SVOPL: variants seen among roughly 807,000 people sequenced by gnomAD.
SVOPL encodes SVOP like.
In SVOPL, 60 loss-of-function variants were observed where a neutral mutation model predicts 61.0. The ratio of observed to expected loss-of-function variants is 0.98; its 90% CI spans 0.80 to 1.22. The LOEUF (loss-of-function observed/expected upper bound fraction) is 1.22, where lower values mean the gene tolerates loss of function less well. Ranked by LOEUF, SVOPL falls within the 50% of genes most tolerant of loss-of-function variation. The pLI is 0.00. For missense variants in SVOPL, 662 were observed against 643.9 expected (o/e 1.03, Z -0.30); for synonymous variants, 279 against 250.0 (o/e 1.12, Z -1.09).
chr7:138,660,107 C>T, intron 5 of SVOPL, 119 bp from the exon 6 acceptor site: 1 of 1,475,212 alleles, frequency 6.8e-7, no homozygotes, highest in East Asian at 2.5e-5. Flanking sequence ...GAGGAGCTAA[C>T]CTGTAGCAAG....
chr7:138,605,019 T>C (rs924873150), intron 14 of SVOPL, among the ~76,000 whole-genome samples: 3 of 151,348 alleles, frequency 2.0e-5, no homozygotes, highest in Admixed American at 1.3e-4. Flanking sequence ...AGTTCAAGAC[T>C]GGCCTGGGCA....
chr7:138,644,197 CAAAAAAAAAAAAA>C (rs71179714), intron 9 of SVOPL, among the ~76,000 whole-genome samples: 3,828 of 50,448 alleles, frequency 0.076, 106 homozygotes, highest in Non-Finnish European at 0.1. Context: ...AAGACTCCAT[CAAAAAAAAAAAAA>C]AAAAAAAAAA....
At chr7:138,674,851 A>G (rs6956378) in intron 3 of SVOPL, among the ~76,000 whole-genome samples, 68,675 of 148,802 alleles carry the variant, frequency 0.46, 16,850 homozygotes, top group African/African-American at 0.64. Context: ...GTGAGACTCC[A>G]TCTCAAAAAA....
At chr7:138,660,038 G>C (rs1196003236) in intron 5 of SVOPL, 50 bp from the exon 6 acceptor site, 8 of 1,545,020 alleles carry the variant, frequency 5.2e-6, no homozygotes, top group Middle Eastern at 3.4e-4. Context: ...ATGCGGGGAG[G>C]GAAGAAGCCC....
intron 13 of SVOPL, 108 bp downstream of exon 13, chr7:138,625,861 A>C (rs1799867715): frequency 9.0e-7 from 1 of 1,106,132 alleles, no homozygotes; most frequent in East Asian, 2.5e-5. Flanking sequence ...TTGTTTTTAG[A>C]AAATCATCAA....
chr7:138,647,622 G>A (rs530859227), intron 8 of SVOPL, among the ~76,000 whole-genome samples: 172 of 151,910 alleles, frequency 1.1e-3, no homozygotes, highest in African/African-American at 4.0e-3. Context: ...AGGCTGAGGC[G>A]GGTGGATCAC....
At chr7:138,662,919 A>G in intron 5 of SVOPL, 155 bp downstream of exon 5, 7 of 1,458,742 alleles carry the variant, frequency 4.8e-6, no homozygotes, top group Non-Finnish European at 6.3e-6. Flanking sequence ...TGTCCAGAAG[A>G]TAAGCCTGGA....
intron 13 of SVOPL, among the ~76,000 whole-genome samples, chr7:138,622,114 CTATCTATG>C (rs1799647237): frequency 9.8e-5 from 6 of 61,062 alleles, no homozygotes; most frequent in African/African-American, 2.5e-4. Flanking sequence ...ATCTATCTAT[CTATCTATG>C]TATCTATCTA....
intron 14 of SVOPL, among the ~76,000 whole-genome samples, chr7:138,609,283 G>T (rs910978215): frequency 6.6e-6 from 1 of 152,118 alleles, no homozygotes; most frequent in Admixed American, 6.6e-5. Flanking sequence ...ATGAAAGCGA[G>T]CAGACCCCTT....
chr7:138,626,119 C>T (rs1056262310), intron 12 of SVOPL, 69 bp from the exon 13 acceptor site: 15 of 1,448,566 alleles, frequency 1.0e-5, no homozygotes, highest in East Asian at 2.3e-5. Context: ...GGCCCAGCTT[C>T]GAGTGCACTG....
In SVOPL at chr7:138,672,116, A is replaced by C; in HGVS notation, c.176T>G (p.Val59Gly). The change falls in exon 4 of 16, where the codon GTG becomes GGG. Residue 59 changes from valine (V) to glycine (G), a missense_variant and splice_region_variant. Physicochemically the swap from Val to Gly is moderately radical, Grantham distance 109. Coordinates refer to ENST00000674285, the MANE Select transcript of SVOPL (RefSeq NM_001139456.2). Reference sequence around the variant, plus strand: ...CAACATGATCTCCATGGCCTCAACCACCTTAAAGAAGAGGGACACCATGCC... The same window carrying C: ...CAACATGATCTCCATGGCCTCAACCCCCTTAAAGAAGAGGGACACCATGCC... Reference protein sequence around the residue: ...ALFLIMGSTGVVEAMEIMLIA... With the variant: ...ALFLIMGSTGGVEAMEIMLIA... The C allele has an allele frequency of 6.4e-7, 1 of 1,551,596 alleles. No individual in the cohort carries two copies. The highest frequency in any genetic ancestry group is 8.7e-7 in the Non-Finnish European group (1 of 1,146,932).
intron 14 of SVOPL, among the ~76,000 whole-genome samples, chr7:138,598,113 T>A (rs1424633677): frequency 6.6e-6 from 1 of 152,222 alleles, no homozygotes; most frequent in African/African-American, 2.4e-5. Flanking sequence ...TAATACCTGA[T>A]TATAAAAATC....
At chr7:138,637,461 T>G (rs77704242) in intron 9 of SVOPL, among the ~76,000 whole-genome samples, 250 of 13,014 alleles carry the variant, frequency 0.019, 3 homozygotes, top group Middle Eastern at 0.094. Context: ...GATAGATATA[T>G]ATATATAGAT....
chr7:138,682,972 AAAAAAAAAAAG>A (rs1242993672), intron 1 of SVOPL, among the ~76,000 whole-genome samples: 3 of 151,080 alleles, frequency 2.0e-5, no homozygotes, highest in Admixed American at 6.6e-5. Flanking sequence ...CCATCTCAAA[AAAAAAAAAAAG>A]AAAAAAAAAA....
At chr7:138,621,998 CTATCTATGTATCTATCTATG>C (rs1563095867) in intron 13 of SVOPL, among the ~76,000 whole-genome samples, 12 of 44,530 alleles carry the variant, frequency 2.7e-4, no homozygotes, top group Non-Finnish European at 4.2e-4. Flanking sequence ...ATGTATCTAT[CTATCTATGTATCTATCTATG>C]TATCTATCTA....
intron 13 of SVOPL, 142 bp from the exon 14 acceptor site, chr7:138,621,277 A>AT (rs2116872662): frequency 3.6e-6 from 2 of 556,110 alleles, no homozygotes; most frequent in East Asian, 7.0e-5. Flanking sequence ...GAAGGTGTTG[A>AT]TTTTCTCAGG....
Position 138,659,966 on chromosome 7 carries a change from C to T in SVOPL, c.368G>A (p.Trp123Ter). The change falls in exon 6 of 16, where the codon TGG (tryptophan) becomes TAG (stop). Residue 123 changes from tryptophan to a stop codon, truncating the protein, a stop_gained. Coordinates refer to ENST00000674285, the MANE Select transcript of SVOPL (RefSeq NM_001139456.2). LOFTEE classifies it high-confidence loss of function. ...GGTCAGCAAGGAGAAATAGGCTCCC[C>T]ACAGGAACGAGATGAGCAGAATCTG... The part of the protein sequence containing the change: ...RWKILLISFL[W>*]GAYFSLLTSF... 1 of 1,551,496 alleles carries T rather than the reference C, an allele frequency of 6.4e-7. No homozygotes were observed. Among genetic ancestry groups the T allele is most frequent in the Admixed American group, 2.0e-5 (1 of 50,980 alleles).
chr7:138,642,874 AATAT>A (rs901778018), intron 9 of SVOPL, among the ~76,000 whole-genome samples: 1 of 150,580 alleles, frequency 6.6e-6, no homozygotes, highest in African/African-American at 2.5e-5. Flanking sequence ...TTTTAATAAT[AATAT>A]ATATAACCAA....
At chr7:138,672,493 T>C (rs1802448626) in intron 3 of SVOPL, among the ~76,000 whole-genome samples, 1 of 152,168 alleles carries the variant, frequency 6.6e-6, no homozygotes, top group Non-Finnish European at 1.5e-5. Context: ...TGTTGTTTTG[T>C]ACTCATGATT....
Sources: allele counts gnomAD v4.1 joint callset (sites outside exome capture counted in the v4.1 genomes callset), GRCh38; gene constraint gnomAD v4.1.1; transcripts MANE v1.5; gene names NCBI Gene and HGNC (gene_info 2026-07-23, HGNC 2026-07-21).